The following GALNT14 variants were observed in gnomAD, a reference collection of about 807,000 sequenced individuals.
The protein encoded by GALNT14 is UDP-GalNAc:polypeptide N-acetylgalactosaminyltransferase 14.
Under a neutral mutation model 77.5 loss-of-function variants are expected in GALNT14, and 60 were observed. That is an observed-to-expected ratio of 0.77 (90% CI 0.63 to 0.96). GALNT14 has a LOEUF of 0.96. Ranked by LOEUF, GALNT14 falls within the 40% of genes least tolerant of loss-of-function variation. GALNT14 has a pLI of 0.00. For missense variants in GALNT14, 710 were observed against 731.0 expected (o/e 0.97, Z 0.33); for synonymous variants, 280 against 281.7 (o/e 0.99, Z 0.06).
rs374399864 is a variant in GALNT14 at position 30,973,751 on chromosome 2, C to T, written c.300-7449G>A. 7.2e-5 allele frequency among the ~76,000 whole-genome samples: 11 copies of T among 152,296 alleles called. No homozygotes were observed. In the South Asian group the frequency reaches 1.9e-3, roughly 26 times the overall value. ...GTCAATTTTGCTGGGATTTCACATG[C>T]AGATTAATTCGTTCATTCACATAAA... On this transcript the variant is annotated intron_variant, in intron 2 of 14. Transcript: ENST00000349752.
At chr2:31,068,694 C>A (rs970829276) in intron 1 of GALNT14, among the ~76,000 whole-genome samples, 1 of 152,066 alleles carries the variant, frequency 6.6e-6, no homozygotes, top group Admixed American at 6.6e-5. Flanking sequence ...AACAATGGGG[C>A]CCCTAGGTGT....
chr2:31,104,298 A>T (rs991684357), intron 1 of GALNT14, among the ~76,000 whole-genome samples: 3 of 152,190 alleles, frequency 2.0e-5, no homozygotes, highest in Admixed American at 2.0e-4. Context: ...AATCCTCTAG[A>T]TGGTGACATT....
chr2:31,057,752 G>T (rs1674328198), intron 1 of GALNT14, among the ~76,000 whole-genome samples: 1 of 151,952 alleles, frequency 6.6e-6, no homozygotes, highest in South Asian at 2.1e-4. Context: ...TGCTCCCTTG[G>T]CCCCTTCCCC....
At chr2:31,122,467 CACACAGG>C (rs1678461994) in intron 1 of GALNT14, among the ~76,000 whole-genome samples, 1 of 152,188 alleles carries the variant, frequency 6.6e-6, no homozygotes, top group Admixed American at 6.5e-5. Flanking sequence ...GAGTATGATT[CACACAGG>C]CTTTTCGTGA....
the GALNT14 span, among the ~76,000 whole-genome samples, chr2:30,891,210 G>T: frequency 2.0e-5 from 3 of 152,130 alleles, no homozygotes; most frequent in Non-Finnish European, 4.4e-5. Flanking sequence ...TCACCTAGAG[G>T]ATTTTCTCAA....
chr2:31,015,063 G>C (rs1436565901), intron 1 of GALNT14, among the ~76,000 whole-genome samples: 1 of 152,154 alleles, frequency 6.6e-6, no homozygotes, highest in African/African-American at 2.4e-5. Flanking sequence ...GCTGAGGTGG[G>C]TGGATCACCT....
intron 1 of GALNT14, among the ~76,000 whole-genome samples, chr2:31,122,425 C>A (rs1288581068): frequency 6.6e-6 from 1 of 152,226 alleles, no homozygotes; most frequent in Non-Finnish European, 1.5e-5. Context: ...AAAATAAAGA[C>A]AAGTGGCACT....
the GALNT14 span, among the ~76,000 whole-genome samples, chr2:30,888,280 A>T: frequency 1.3e-5 from 2 of 152,212 alleles, no homozygotes; most frequent in East Asian, 3.8e-4. Flanking sequence ...GATTGCATCA[A>T]TAAAGTACAG....
chr2:30,909,796 A>G (rs1441160215), downstream of GALNT14, among the ~76,000 whole-genome samples: 1 of 151,984 alleles, frequency 6.6e-6, no homozygotes, highest in East Asian at 1.9e-4. Flanking sequence ...AATAGCAAAG[A>G]CTTGCAACCA....
intron 1 of GALNT14, among the ~76,000 whole-genome samples, chr2:31,010,139 C>A (rs981208752): frequency 6.6e-6 from 1 of 152,204 alleles, no homozygotes; most frequent in East Asian, 1.9e-4. Flanking sequence ...GAGCCCACCA[C>A]CACATCTGCC....
At chr2:31,117,742 T>C (rs551517734) in intron 1 of GALNT14, among the ~76,000 whole-genome samples, 4 of 152,192 alleles carry the variant, frequency 2.6e-5, no homozygotes, top group Non-Finnish European at 4.4e-5. Context: ...AAAGACCTGT[T>C]ACCATATGCA....
intron 1 of GALNT14, among the ~76,000 whole-genome samples, chr2:31,010,018 C>T (rs1474149635): frequency 1.3e-5 from 2 of 152,196 alleles, no homozygotes; most frequent in Non-Finnish European, 2.9e-5. Flanking sequence ...CATAGTCTTG[C>T]TCTGTCACCC....
At chr2:31,034,884 T>C (rs1274985994) in intron 1 of GALNT14, among the ~76,000 whole-genome samples, 1 of 152,248 alleles carries the variant, frequency 6.6e-6, no homozygotes, top group Admixed American at 6.5e-5. Context: ...TCACTTACTT[T>C]CCACATATTT....
chr2:30,908,363 C>T (rs1436434842), downstream of GALNT14, among the ~76,000 whole-genome samples: 1 of 147,380 alleles, frequency 6.8e-6, no homozygotes, highest in Admixed American at 6.8e-5. Context: ...AGCAAAGTCT[C>T]AGGATACAAA....
chr2:30,896,506 G>C, the GALNT14 span, among the ~76,000 whole-genome samples: 2 of 152,258 alleles, frequency 1.3e-5, no homozygotes, highest in South Asian at 2.1e-4. Flanking sequence ...TTCTAAGATG[G>C]AGACAATAAG....
intron 1 of GALNT14, chr2:31,079,174 A>G (rs750126311): frequency 1.7e-5 from 11 of 659,060 alleles, no homozygotes; most frequent in Non-Finnish European, 2.1e-5. Context: ...CAGGCTCCAC[A>G]TCAGTGTGGA....
rs569563596 is a variant in GALNT14 at position 30,971,457 on chromosome 2, C to G, written c.300-5155G>C. On this transcript the variant is annotated intron_variant, in intron 2 of 14. Coordinates refer to ENST00000349752, the MANE Select transcript of GALNT14 (RefSeq NM_024572.4). ...CTGGGGAAACAGAATCCCGGGATCT[C>G]TATACGTGATGGCCACAGCAGCTCA... 5.9e-5 allele frequency among the ~76,000 whole-genome samples: 9 copies of G among 152,252 alleles called. No homozygotes were observed. The South Asian group carries it at 1.7e-3, about 28-fold the overall frequency.
In GALNT14 at chr2:30,966,279, G is replaced by A. The variant is rs752523719; in HGVS notation, c.323C>T (p.Thr108Met). ...GATGATGCTAGTGGGTGGAAGGTCC[G>A]TGCAATACACCAGCAGTGTGCATCT... ...HLRCTLLVYC[T>M]DLPPTSIIIT... Residue 108 changes from threonine (T) to methionine (M), a missense_variant, in exon 3 of 15, where the codon ACG becomes ATG. Thr to Met is a moderately conservative substitution (Grantham distance 81, BLOSUM62 -1). Coordinates refer to ENST00000349752, the MANE Select transcript of GALNT14 (RefSeq NM_024572.4). The A allele has an allele frequency of 1.4e-5, 22 of 1,613,604 alleles. No homozygotes were observed. Among genetic ancestry groups the A allele is most frequent in the East Asian group, 2.2e-5 (1 of 44,858 alleles).
chr2:30,929,026 G>C (rs1375526732), intron 11 of GALNT14, among the ~76,000 whole-genome samples: 4 of 152,220 alleles, frequency 2.6e-5, no homozygotes, highest in African/African-American at 2.4e-5. Context: ...AGGAAGGAGA[G>C]AGCTTAGGCT....
Sources: allele counts gnomAD v4.1 joint callset (sites outside exome capture counted in the v4.1 genomes callset), GRCh38; gene constraint gnomAD v4.1.1; transcripts MANE v1.5; gene names NCBI Gene and HGNC (gene_info 2026-07-23, HGNC 2026-07-21).